NCOA2: variants seen among roughly 807,000 people sequenced by gnomAD.
NCOA2 encodes class E basic helix-loop-helix protein 75.
A neutral mutation model predicts 145.1 loss-of-function variants in NCOA2; 21 were observed. The ratio of observed to expected loss-of-function variants is 0.14; its 90% confidence interval spans 0.10 to 0.21. The LOEUF is 0.21. Ranked by LOEUF, NCOA2 falls within the 10% of genes least tolerant of loss-of-function variation. NCOA2 has a pLI of 1.00. For synonymous variants in NCOA2, 619 were observed against 637.5 expected, an observed-to-expected ratio of 0.97 and a Z score of 0.44; for missense variants, 1,472 against 1,837.6, an observed-to-expected ratio of 0.80 and a Z score of 3.64.
the NCOA2 span, among the ~76,000 whole-genome samples, chr8:70,445,460 C>T: frequency 6.6e-6 from 1 of 152,148 alleles, no homozygotes; most frequent in Non-Finnish European, 1.5e-5. Flanking sequence ...TTGAGCCGAG[C>T]CTGTAACGAG....
chr8:70,293,387 C>T (rs1018681460), intron 2 of NCOA2, among the ~76,000 whole-genome samples: 2 of 152,164 alleles, frequency 1.3e-5, no homozygotes, highest in African/African-American at 4.8e-5. Flanking sequence ...CATGTCATAT[C>T]CAATATGGTC....
chr8:70,324,788 A>G (rs1563765150), intron 1 of NCOA2, among the ~76,000 whole-genome samples: 1 of 152,196 alleles, frequency 6.6e-6, no homozygotes, highest in Non-Finnish European at 1.5e-5. Context: ...ACGTGGCCTC[A>G]TATCTGAACC....
chr8:70,156,614 T>C lies in NCOA2; in HGVS notation c.1751A>G (p.Asp584Gly), dbSNP rs184502030. The C allele has an allele frequency of 5.0e-6, 8 of 1,613,920 alleles. No individual in the cohort carries two copies. Among genetic ancestry groups the C allele is most frequent in the Non-Finnish European group, 6.8e-6 (8 of 1,179,878 alleles). Residue 584 changes from aspartate (D) to glycine (G), a missense_variant, in exon 11 of 23, where the codon GAC (aspartate) becomes GGC (glycine). Physicochemically the swap from Asp to Gly is moderately conservative, Grantham distance 94. Around this residue, in one of 4 missense-constraint regions of NCOA2, gnomAD observed 953 missense variants for 1,062.1 expected, o/e 0.90. Transcript: ENST00000452400. ...LSKMGSLDSK[D>G]CFGLYGEPSE... Reference sequence around the variant, plus strand: ...GGGCTCCCCATATAGTCCAAAACAGTCTTTTGAGTCCAAGCTTCCCATCTT... The same window carrying C: ...GGGCTCCCCATATAGTCCAAAACAGCCTTTTGAGTCCAAGCTTCCCATCTT...
chr8:70,200,891 C>T (rs906984223), intron 4 of NCOA2, among the ~76,000 whole-genome samples: 1 of 151,688 alleles, frequency 6.6e-6, no homozygotes, highest in Middle Eastern at 3.4e-3. Context: ...GAACTCAACA[C>T]TACCAAAAAA....
chr8:70,412,763 C>A, the NCOA2 span, among the ~76,000 whole-genome samples: 4 of 151,320 alleles, frequency 2.6e-5, no homozygotes, highest in South Asian at 2.1e-4. Context: ...AGACATAACA[C>A]CAGGTATTGG....
At chr8:70,424,379 A>C in the NCOA2 span, 1 of 378,396 alleles carries the variant, frequency 2.6e-6, no homozygotes. Context: ...CTTAGTGGCA[A>C]TCATATGTTC....
At chr8:70,159,255 T>TTTTTTTTTCC (rs1209017347) in intron 10 of NCOA2, among the ~76,000 whole-genome samples, 1 of 137,598 alleles carries the variant, frequency 7.3e-6, no homozygotes, top group African/African-American at 2.7e-5. Flanking sequence ...TTTTTTTTTT[T>TTTTTTTTTCC]CCCCCAAATA....
chr8:70,437,284 C>A, the NCOA2 span, among the ~76,000 whole-genome samples: 2 of 152,210 alleles, frequency 1.3e-5, no homozygotes, highest in African/African-American at 4.8e-5. Flanking sequence ...GGCTCTCATG[C>A]CATTCATTTG....
intron 2 of NCOA2, among the ~76,000 whole-genome samples, chr8:70,232,967 C>T (rs941709206): frequency 6.6e-6 from 1 of 152,002 alleles, no homozygotes; most frequent in East Asian, 1.9e-4. Context: ...TAGCTCATGC[C>T]TGTAATCCCA....
chr8:70,285,994 G>A (rs1367204670), intron 2 of NCOA2, among the ~76,000 whole-genome samples: 1 of 152,170 alleles, frequency 6.6e-6, no homozygotes. Context: ...AATGGGGTAA[G>A]TTCTCTCTCC....
intron 2 of NCOA2, among the ~76,000 whole-genome samples, chr8:70,238,391 T>C (rs1224731864): frequency 6.6e-6 from 1 of 150,720 alleles, no homozygotes; most frequent in Non-Finnish European, 1.5e-5. Context: ...ATGTAAATAT[T>C]GTTCCTATTT....
chr8:70,401,255 G>A (rs749714083), intron 1 of NCOA2, among the ~76,000 whole-genome samples: 2 of 152,152 alleles, frequency 1.3e-5, no homozygotes, highest in Non-Finnish European at 2.9e-5. Flanking sequence ...TTGACTGAAC[G>A]CGCAATAAAC....
At chr8:70,348,619 A>C (rs1374966538) in intron 1 of NCOA2, among the ~76,000 whole-genome samples, 1 of 152,108 alleles carries the variant, frequency 6.6e-6, no homozygotes, top group Non-Finnish European at 1.5e-5. Context: ...ACATATAGGG[A>C]GGTTGTAGCA....
At chr8:70,211,533 C>T (rs1348357011) in intron 4 of NCOA2, among the ~76,000 whole-genome samples, 2 of 151,958 alleles carry the variant, frequency 1.3e-5, no homozygotes, top group African/African-American at 2.4e-5. Context: ...TCTACTATGA[C>T]AGGTGTTTAC....
At chr8:70,255,345 G>C (rs1823545285) in intron 2 of NCOA2, among the ~76,000 whole-genome samples, 2 of 152,272 alleles carry the variant, frequency 1.3e-5, no homozygotes, top group Admixed American at 1.3e-4. Flanking sequence ...AACTAAACAA[G>C]AGAAACTCAC....
chr8:70,435,381 C>G, the NCOA2 span, among the ~76,000 whole-genome samples: 1 of 132,272 alleles, frequency 7.6e-6, no homozygotes, highest in African/African-American at 2.9e-5. Flanking sequence ...GCCGGGATAG[C>G]GCCACTGCAG....
At chr8:70,251,658 C>A (rs1372713722) in intron 2 of NCOA2, among the ~76,000 whole-genome samples, 1 of 152,186 alleles carries the variant, frequency 6.6e-6, no homozygotes, top group Non-Finnish European at 1.5e-5. Flanking sequence ...CCTTGGGCTT[C>A]CAAAAATGCC....
intron 4 of NCOA2, among the ~76,000 whole-genome samples, chr8:70,210,049 C>T (rs886784472): frequency 6.6e-6 from 1 of 152,136 alleles, no homozygotes; most frequent in African/African-American, 2.4e-5. Context: ...AAAGAAATAT[C>T]CTACTTCAGT....
the NCOA2 span, among the ~76,000 whole-genome samples, chr8:70,436,761 G>A: frequency 6.6e-6 from 1 of 152,176 alleles, no homozygotes; most frequent in African/African-American, 2.4e-5. Flanking sequence ...ATACAAAGGT[G>A]AATAAACTCA....
Sources: gnomAD v4.1 joint callset for allele counts (sites outside exome capture counted in the v4.1 genomes callset) on GRCh38, gnomAD v4.1.1 for gene constraint, gnomAD v4.1.1 regional missense constraint, MANE v1.5 for transcripts, NCBI Gene and HGNC (gene_info 2026-07-23, HGNC 2026-07-21) for gene names.